Variants in HNRNPH1 observed in about 807,000 individuals in gnomAD.
The protein encoded by HNRNPH1 is heterogeneous nuclear ribonucleoprotein H1, also known as heterogeneous nuclear ribonucleoprotein H.
HNRNPH1 carries 4 observed loss-of-function variants against 58.6 expected under a neutral mutation model. The ratio of observed to expected loss-of-function variants is 0.07; its 90% CI spans 0.03 to 0.16. The LOEUF (loss-of-function observed/expected upper bound fraction) is 0.16, where lower values mean the gene tolerates loss of function less well. Among genes scored for constraint, HNRNPH1 ranks in the 10% least tolerant of loss-of-function variants. The pLI is 1.00. For missense variants in HNRNPH1, 271 were observed against 564.2 expected (o/e 0.48, Z 5.26); for synonymous variants, 192 against 189.2 (o/e 1.01, Z -0.12).
exon 1 of HNRNPH1, chr5:179,623,351 GC>G (rs1298554948): frequency 2.7e-6 from 1 of 376,778 alleles, no homozygotes; most frequent in Non-Finnish European, 5.0e-6. Flanking sequence ...AGCTGTCGGC[GC>G]CCCGAACCGT....
rs777047288 is a variant in HNRNPH1 at position 179,616,233 on chromosome 5, A to T, written c.1208-15T>A. ...GGACTGGTTTGCTGTTAAGTTAAGA[A>T]AACATTAGAACCTTTTTTCTTATGT... On this transcript the variant is annotated splice_polypyrimidine_tract_variant and intron_variant, in intron 10 of 12. Transcript: ENST00000356731. The T allele has an allele frequency of 5.6e-6, 9 of 1,604,430 alleles. No individual in the cohort carries two copies. Among genetic ancestry groups the T allele is most frequent in the Non-Finnish European group, 7.7e-6 (9 of 1,171,334 alleles).
upstream of HNRNPH1, among the ~76,000 whole-genome samples, chr5:179,625,595 G>C (rs182959964): frequency 8.1e-4 from 122 of 149,864 alleles, no homozygotes; most frequent in African/African-American, 2.4e-3. Context: ...GGAGGCAGCA[G>C]TTGCAGTCAG....
intron 10 of HNRNPH1, chr5:179,616,613 T>C (rs1410990967): frequency 1.1e-5 from 6 of 536,086 alleles, no homozygotes; most frequent in Non-Finnish European, 2.0e-5. Flanking sequence ...TTAAACTTTA[T>C]ACTTAGAAAA....
chr5:179,623,641 C>G lies in HNRNPH1; in HGVS notation c.-508G>C, dbSNP rs541223123. The G allele has an allele frequency of 2.6e-5, 4 of 153,772 alleles. No homozygotes were observed. The East Asian group carries it at 7.7e-4, about 30-fold the overall frequency. The allele number at this position is 153,772 out of a possible 1,614,324, so 9.5% of individuals were successfully genotyped here. On this transcript the variant is annotated 5_prime_UTR_variant, in exon 1 of 13. Coordinates refer to ENST00000356731, the Ensembl canonical transcript of HNRNPH1. ...GAGGACCCACCGCGACTCACCTAGACACGCGACTTCTGCGTGGCTAAGACG... is the reference window on the plus strand; with the variant it reads ...GAGGACCCACCGCGACTCACCTAGAGACGCGACTTCTGCGTGGCTAAGACG...
intron 10 of HNRNPH1, chr5:179,616,546 G>C (rs562638307): frequency 1.4e-5 from 7 of 512,134 alleles, no homozygotes; most frequent in South Asian, 9.6e-5. Context: ...TACATCAAAG[G>C]CATGTCAATA....
chr5:179,614,326 C>T (rs562549496), exon 13 of HNRNPH1: 1 of 150,032 alleles, frequency 6.7e-6, no homozygotes, highest in Non-Finnish European at 1.5e-5. Context: ...GGTATTGCGT[C>T]TCAAATTTTT....
rs182315868 is a variant in HNRNPH1, at chr5:179,616,059, C to T, written c.1300+67G>A. 710 of 1,353,476 alleles carry T rather than the reference C, an allele frequency of 5.2e-4. 4 individuals carry two copies. In the African/African-American group the frequency reaches 9.4e-3, roughly 18 times the overall value. The allele number at this position is 1,353,476 out of a possible 1,614,324, so 83.8% of individuals were successfully genotyped here. A position where few individuals can be genotyped will look rare whatever the true frequency, so the allele number is the denominator to read the frequency against. ...CAGTAACAGGCTTTACCATAACTTACTCTAAGTACAGTAATGAACAGGCTT... is the reference window on the plus strand; with the variant it reads ...CAGTAACAGGCTTTACCATAACTTATTCTAAGTACAGTAATGAACAGGCTT... On this transcript the variant is annotated intron_variant, in intron 11 of 12. Coordinates refer to ENST00000356731, the Ensembl canonical transcript of HNRNPH1.
intron 2 of HNRNPH1, among the ~76,000 whole-genome samples, chr5:179,630,971 C>T (rs1774783480): frequency 6.6e-6 from 1 of 150,980 alleles, no homozygotes; most frequent in African/African-American, 2.4e-5. Context: ...AAAAAACATA[C>T]ATTTCATTAA....
exon 13 of HNRNPH1, chr5:179,614,294 C>G (rs1768372004): frequency 6.6e-6 from 1 of 151,702 alleles, no homozygotes. Flanking sequence ...ATACAAACAC[C>G]AAGACCAAAA....
At chr5:179,630,228 A>G (rs538441309) in intron 2 of HNRNPH1, among the ~76,000 whole-genome samples, 2 of 152,158 alleles carry the variant, frequency 1.3e-5, no homozygotes, top group South Asian at 4.1e-4. Flanking sequence ...AGATGCCTGT[A>G]ATCCCAGCTA....
chr5:179,631,776 G>A (rs1023088750), intron 2 of HNRNPH1, among the ~76,000 whole-genome samples: 2 of 151,994 alleles, frequency 1.3e-5, no homozygotes, highest in South Asian at 2.1e-4. Flanking sequence ...ATATTAGCCA[G>A]GCCTGGTGGC....
intron 2 of HNRNPH1, chr5:179,633,791 G>A (rs1308504840): frequency 6.6e-6 from 1 of 152,130 alleles, no homozygotes; most frequent in African/African-American, 2.4e-5. Context: ...GAGTGCACCT[G>A]TATTCCCAGC....
At chr5:179,620,070 G>A (rs141164897) in intron 3 of HNRNPH1, 23 of 152,240 alleles carry the variant, frequency 1.5e-4, no homozygotes, top group African/African-American at 3.4e-4. Context: ...CATATTTAAC[G>A]TTGACAGCAT....
chr5:179,633,192 A>G (rs1034029270), intron 2 of HNRNPH1, among the ~76,000 whole-genome samples: 3 of 150,550 alleles, frequency 2.0e-5, no homozygotes, highest in African/African-American at 4.9e-5. Flanking sequence ...GGGTTTCACC[A>G]TGTTGGTCAT....
chr5:179,624,116 C>G (rs1406231248), exon 1 of HNRNPH1: 1 of 167,440 alleles, frequency 6.0e-6, no homozygotes, highest in Non-Finnish European at 1.3e-5. Flanking sequence ...CCTGGCCGAC[C>G]TGAAAGGAGG....
chr5:179,620,861 TCA>T (rs777866069), intron 3 of HNRNPH1, 29 bp downstream of exon 4: 3 of 1,608,570 alleles, frequency 1.9e-6, no homozygotes, highest in South Asian at 2.2e-5. Flanking sequence ...TAGCCAAAAC[TCA>T]CTGCTCAGCA....
At chr5:179,631,162 T>C (rs1774798980) in intron 2 of HNRNPH1, among the ~76,000 whole-genome samples, 1 of 150,514 alleles carries the variant, frequency 6.6e-6, no homozygotes, top group African/African-American at 2.4e-5. Flanking sequence ...AAATCTTAGG[T>C]AACATAATGG....
At chr5:179,621,877 T>TC in intron 1 of HNRNPH1, 1 of 453,132 alleles carries the variant, frequency 2.2e-6, no homozygotes, top group South Asian at 1.6e-5. Context: ...GCTAAAATGC[T>TC]CCAAGTTGCA....
chr5:179,615,865 C>G, intron 11 of HNRNPH1: 1 of 525,868 alleles, frequency 1.9e-6, no homozygotes, highest in East Asian at 3.0e-5. Context: ...GCTGCAATGA[C>G]TAGTTCTTAA....
Sources: allele counts gnomAD v4.1 joint callset (sites outside exome capture counted in the v4.1 genomes callset), GRCh38; gene constraint gnomAD v4.1.1; transcripts MANE v1.5; gene names NCBI Gene and HGNC (gene_info 2026-07-23, HGNC 2026-07-21).